SYT10: variants seen among roughly 807,000 people sequenced by gnomAD.
SYT10 encodes the protein synaptotagmin 10.
SYT10 carries 31 observed loss-of-function variants against 51.1 expected under a neutral mutation model. The ratio of observed to expected loss-of-function variants is 0.61; its 90% CI spans 0.46 to 0.82. The LOEUF (loss-of-function observed/expected upper bound fraction) is 0.82. Ranked by LOEUF, SYT10 falls within the 40% of genes least tolerant of loss-of-function variation. The pLI is 0.00. For missense variants in SYT10, 603 were observed against 634.0 expected (o/e 0.95, Z 0.53); for synonymous variants, 233 against 225.9 (o/e 1.03, Z -0.28).
intron 3 of SYT10, chr12:33,404,951 C>T (rs1232927083): frequency 6.6e-6 from 1 of 151,854 alleles, no homozygotes; most frequent in Non-Finnish European, 1.5e-5. Flanking sequence ...CAATGAGAAA[C>T]TAAAGTTTCC....
chr12:33,398,713 C>CT (rs2138405171), intron 3 of SYT10, among the ~76,000 whole-genome samples: 1 of 101,330 alleles, frequency 9.9e-6, no homozygotes, highest in African/African-American at 4.0e-5. Flanking sequence ...TGATAGCTAT[C>CT]TAAACAATAA....
chr12:33,439,247 A>T (rs1866663327), intron 1 of SYT10, 125 bp downstream of exon 1: 2 of 1,250,490 alleles, frequency 1.6e-6, no homozygotes, highest in South Asian at 2.9e-5. Flanking sequence ...GGAGCGAGGT[A>T]GGAAAGCGTG....
At chr12:33,428,310 T>C (rs988736619) in intron 1 of SYT10, among the ~76,000 whole-genome samples, 2 of 152,200 alleles carry the variant, frequency 1.3e-5, no homozygotes, top group East Asian at 1.9e-4. Context: ...TCTGAATCCA[T>C]AGAAGATAAA....
intron 4 of SYT10, among the ~76,000 whole-genome samples, chr12:33,384,946 A>C (rs1262735584): frequency 6.6e-6 from 1 of 152,232 alleles, no homozygotes; most frequent in East Asian, 1.9e-4. Flanking sequence ...AAGAAACAGA[A>C]ACAAGAACCC....
chr12:33,420,631 A>T (rs1866494548), intron 2 of SYT10, among the ~76,000 whole-genome samples: 1 of 152,146 alleles, frequency 6.6e-6, no homozygotes, highest in African/African-American at 2.4e-5. Flanking sequence ...CTGCCTGGGC[A>T]ACAGAGTGAG....
chr12:33,385,041 G>A (rs560570463), intron 4 of SYT10, 130 bp downstream of exon 4: 38 of 1,164,708 alleles, frequency 3.3e-5, no homozygotes, highest in Non-Finnish European at 4.1e-5. Flanking sequence ...ATTTAAATTT[G>A]TAATCTTTTT....
chr12:33,407,117 AC>A lies in SYT10; in HGVS notation c.748del (p.Val250LeufsTer7). 6.2e-7 allele frequency: 1 copy of A among 1,613,650 alleles called. No individual in the cohort carries two copies. ...QYDYENELLVVKIIKALDLPA... is the reference protein window; with the variant it reads ...QYDYENELLVXKIIKALDLPA... ...GAGATCTAAAGCTTTGATAATTTTA[AC>A]AACTAGAAGTTCATTTTCATAATCA... On this transcript the variant is annotated frameshift_variant, in exon 3 of 7. Coordinates refer to ENST00000228567, the MANE Select transcript of SYT10 (RefSeq NM_198992.4). LOFTEE classifies it high-confidence loss of function.
At chr12:33,439,077 G>T (rs1866661312) in intron 1 of SYT10, among the ~76,000 whole-genome samples, 2 of 152,274 alleles carry the variant, frequency 1.3e-5, no homozygotes, top group South Asian at 4.1e-4. Flanking sequence ...GGAGATGGGA[G>T]GCGTGGGAGA....
chr12:33,405,483 G>A (rs1292120248), intron 3 of SYT10: 2 of 151,812 alleles, frequency 1.3e-5, no homozygotes, highest in Admixed American at 6.6e-5. Flanking sequence ...AACCAAAAAT[G>A]TTATAATGCT....
intron 1 of SYT10, among the ~76,000 whole-genome samples, chr12:33,433,441 A>G (rs1243788307): frequency 6.6e-6 from 1 of 152,224 alleles, no homozygotes; most frequent in Non-Finnish European, 1.5e-5. Context: ...ATTAACAAAA[A>G]CAATGTAACT....
rs963499563 is a variant in SYT10, at chr12:33,391,940, C to T, written c.1078-6649G>A. On this transcript the variant is annotated intron_variant, in intron 3 of 6. Coordinates refer to ENST00000228567, the MANE Select transcript of SYT10 (RefSeq NM_198992.4). ...CTACCAGCAACTAGAAAACAAGTGA[C>T]GAAGACACTTTTTACGGGTGTTGTG... is the stretch of plus-strand genomic sequence containing the variant. Among the ~76,000 whole-genome samples, 72 of 152,130 alleles carry T rather than the reference C, an allele frequency of 4.7e-4. 2 individuals carry two copies. The highest frequency in any genetic ancestry group is 2.9e-5 in the Non-Finnish European group (2 of 68,022).
intron 2 of SYT10, among the ~76,000 whole-genome samples, chr12:33,410,756 A>G (rs2138419125): frequency 6.6e-6 from 1 of 152,328 alleles, no homozygotes; most frequent in Admixed American, 6.5e-5. Flanking sequence ...GATTAGTGCT[A>G]AAGTATGCCA....
intron 3 of SYT10, among the ~76,000 whole-genome samples, chr12:33,396,839 C>T (rs985922809): frequency 6.6e-6 from 1 of 152,122 alleles, no homozygotes; most frequent in African/African-American, 2.4e-5. Context: ...GAGGTTTCAC[C>T]ATGTTGGCCA....
intron 3 of SYT10, among the ~76,000 whole-genome samples, chr12:33,389,029 T>A (rs574529178): frequency 2.0e-5 from 3 of 152,168 alleles, no homozygotes; most frequent in Non-Finnish European, 4.4e-5. Context: ...AGGAAAGTAA[T>A]CATTAGGTTG....
At chr12:33,383,813 C>A (rs372180762) in intron 4 of SYT10, among the ~76,000 whole-genome samples, 1 of 152,062 alleles carries the variant, frequency 6.6e-6, no homozygotes. Context: ...TCAAAGCATG[C>A]GCTCCTCCGA....
Position 33,426,498 on chromosome 12 carries a change from G to T in SYT10, c.152-3C>A. The T allele has an allele frequency of 6.4e-7, 1 of 1,553,660 alleles. No individual in the cohort carries two copies. On this transcript the variant is annotated splice_region_variant and splice_polypyrimidine_tract_variant and intron_variant, in intron 1 of 6. Transcript: ENST00000228567. ...AGCTAACAGGCTGACTGAAATATCT[G>T]GAAAAATTACAATGTAAAAATGATT...
At chr12:33,422,305 T>C (rs1299411805) in intron 2 of SYT10, among the ~76,000 whole-genome samples, 1 of 152,064 alleles carries the variant, frequency 6.6e-6, no homozygotes, top group Admixed American at 6.6e-5. Context: ...TTACAAGGGA[T>C]CTTAGATTTT....
chr12:33,420,656 C>T (rs1396866496), intron 2 of SYT10, among the ~76,000 whole-genome samples: 1 of 151,832 alleles, frequency 6.6e-6, no homozygotes. Context: ...TGTATCAAAA[C>T]AACAACAACA....
chr12:33,390,580 A>AT (rs397749399), intron 3 of SYT10, among the ~76,000 whole-genome samples: 1 of 151,412 alleles, frequency 6.6e-6, no homozygotes, highest in Non-Finnish European at 1.5e-5. Flanking sequence ...ATATATATAT[A>AT]AAATAAATAA....
Sources: gnomAD v4.1 joint callset for allele counts (sites outside exome capture counted in the v4.1 genomes callset) on GRCh38, gnomAD v4.1.1 for gene constraint, MANE v1.5 for transcripts, NCBI Gene and HGNC (gene_info 2026-07-23, HGNC 2026-07-21) for gene names.